RNASE13: variants seen among roughly 807,000 people sequenced by gnomAD.
RNASE13 encodes the protein probable inactive ribonuclease-like protein 13.
For synonymous variants in RNASE13, 67 were observed against 71.6 expected, an observed-to-expected ratio of 0.94 and a Z score of 0.32; for missense variants, 188 against 192.8, an observed-to-expected ratio of 0.98 and a Z score of 0.15.
In RNASE13 at chr14:21,034,153, T is replaced by C. The variant is rs1884454201; in HGVS notation, c.136A>G (p.Lys46Glu). ...CCATTACAATAGCCCCGGAAACCCT[T>C]TGGGTAGTTAACCCTGGGATAGTCA... ...SIDYPRVNYPKGFRGYCNGLM... is the reference protein window; with the variant it reads ...SIDYPRVNYPEGFRGYCNGLM... The change falls in exon 2 of 2, where the codon AAG becomes GAG. Residue 46 changes from lysine (K) to glutamate (E), a missense_variant. By Grantham distance (56) the Lys-to-Glu change is moderately conservative. Coordinates refer to ENST00000382951, the MANE Select transcript of RNASE13 (RefSeq NM_001012264.4). The C allele has an allele frequency of 6.2e-7, 1 of 1,614,042 alleles. No homozygotes were observed. Among genetic ancestry groups the C allele is most frequent in the South Asian group, 1.1e-5 (1 of 91,086 alleles).
At chr14:21,034,416 G>A in intron 1 of RNASE13, 120 bp from the exon 2 acceptor site, 3 of 699,174 alleles carry the variant, frequency 4.3e-6, no homozygotes, top group South Asian at 3.8e-5. Flanking sequence ...CCATAACCAA[G>A]TTCTCATGAC....
rs947558628 is a variant in RNASE13, at chr14:21,033,280, A to C, written c.*538T>G. On this transcript the variant is annotated 3_prime_UTR_variant, in exon 2 of 2. Transcript: ENST00000382951. ...TTTCACAGAGAGAAGCAGGCTGGAA[A>C]CTGGGGGTTGTGGGGAAGTGAGGCT... 2.9e-5 allele frequency: 9 copies of C among 315,186 alleles called. No individual in the cohort carries two copies. Among genetic ancestry groups the C allele is most frequent in the African/African-American group, 1.6e-4 (7 of 44,920 alleles). 19.5% of individuals were successfully genotyped at this position (315,186 alleles called of 1,614,324 possible).
rs983782592 is a variant in RNASE13 at position 21,032,938 on chromosome 14, C to T, written c.*880G>A. ...TCCCCCAATGGTTACATCTTACATA[C>T]TCAGATGTGGTTTTAGAAATTTATG... On this transcript the variant is annotated 3_prime_UTR_variant, in exon 2 of 2. Coordinates refer to ENST00000382951, the MANE Select transcript of RNASE13 (RefSeq NM_001012264.4). 6.6e-6 allele frequency: 3 copies of T among 455,916 alleles called. No homozygotes were observed. The highest frequency in any genetic ancestry group is 1.3e-5 in the Non-Finnish European group (3 of 226,976). 28.2% of individuals were successfully genotyped at this position (455,916 alleles called of 1,614,324 possible).
At position 21,033,414 on chromosome 14, in the gene RNASE13, G is replaced by A. The variant is rs1765257096; in HGVS notation, c.*404C>T. 1 of 284,334 alleles carries A rather than the reference G, an allele frequency of 3.5e-6. No individual in the cohort carries two copies. The highest frequency in any genetic ancestry group is 6.7e-6 in the Non-Finnish European group (1 of 148,296). 17.6% of individuals were successfully genotyped at this position (284,334 alleles called of 1,614,324 possible). A position where few individuals can be genotyped will look rare whatever the true frequency, so the allele number is the denominator to read the frequency against. ...GAACTGGGGGAGGCTGACATGAGAA[G>A]GCTGGTGGGGATGGGGAGGTGAGAC... On this transcript the variant is annotated 3_prime_UTR_variant, in exon 2 of 2. Coordinates refer to ENST00000382951, the MANE Select transcript of RNASE13 (RefSeq NM_001012264.4).
chr14:21,034,469 G>A (rs1884483021), intron 1 of RNASE13, among the ~76,000 whole-genome samples, 173 bp from the exon 2 acceptor site: 1 of 152,166 alleles, frequency 6.6e-6, no homozygotes, highest in East Asian at 1.9e-4. Context: ...CAGACAACCA[G>A]CCACCTTCAG....
rs200617364 is a variant in RNASE13, at chr14:21,034,111, G to C, written c.178C>G (p.Arg60Gly). 5.0e-6 allele frequency: 8 copies of C among 1,613,974 alleles called. No homozygotes were observed. Among genetic ancestry groups the C allele is most frequent in the Admixed American group, 1.7e-5 (1 of 59,994 alleles). Residue 60 changes from arginine (R) to glycine (G), a missense_variant, in exon 2 of 2, where the codon CGA (arginine) becomes GGA (glycine). Transcript: ENST00000382951. ...GYCNGLMSYM[R>G]GKMQNSDCPK... ...CAATCTGAATTTTGCATCTTGCCTC[G>C]CATATAGGACATCAGACCATTACAA...
At position 21,034,028 on chromosome 14, in the gene RNASE13, C is replaced by T. The variant is rs1443712982; in HGVS notation, c.261G>A (p.Lys87=). ...AATTCTCACAGAAGCTGTCACTATA[C>T]TTGCAGAACTTCTGGATGGCCTTCC... ...APWKAIQKFC[K]YSDSFCENYN... is the part of the protein sequence containing the mutation. The change falls in exon 2 of 2, where the codon AAG becomes AAA. Residue 87 remains lysine, a synonymous_variant. Transcript: ENST00000382951. The T allele has an allele frequency of 3.7e-6, 6 of 1,614,164 alleles. No homozygotes were observed. Among genetic ancestry groups the T allele is most frequent in the Admixed American group, 3.3e-5 (2 of 60,016 alleles).
chr14:21,033,490 T>G lies in RNASE13; in HGVS notation c.*328A>C. On this transcript the variant is annotated 3_prime_UTR_variant, in exon 2 of 2. Transcript: ENST00000382951. Reference sequence around the variant, plus strand: ...TGTGAGCTGAGGCCCTGGGCCTCCATCCAGGACTTAGGATCTGGCCCAGTG... The same window carrying G: ...TGTGAGCTGAGGCCCTGGGCCTCCAGCCAGGACTTAGGATCTGGCCCAGTG... 1 of 376,668 alleles carries G rather than the reference T, an allele frequency of 2.7e-6. No individual in the cohort carries two copies. The allele number at this position is 376,668 out of a possible 1,614,324, so 23.3% of individuals were successfully genotyped here. A position where few individuals can be genotyped will look rare whatever the true frequency, so the allele number is the denominator to read the frequency against.
rs778914543 is a variant in RNASE13, at chr14:21,034,078, T to C, written c.211A>G (p.Ile71Val). The change falls in exon 2 of 2, where the codon ATC becomes GTC. Residue 71 changes from isoleucine to valine, a missense_variant. Transcript: ENST00000382951. ...CAAGGGGCATGTATCACATAATGGA[T>C]CTTTGGGCAATCTGAATTTTGCATC... ...GKMQNSDCPK[I>V]HYVIHAPWKA... 2 of 1,614,022 alleles carry C rather than the reference T, an allele frequency of 1.2e-6. No individual in the cohort carries two copies. The highest frequency in any genetic ancestry group is 8.5e-7 in the Non-Finnish European group (1 of 1,180,026).
Position 21,032,906 on chromosome 14 carries a change from C to T in RNASE13, c.*912G>A. On this transcript the variant is annotated 3_prime_UTR_variant, in exon 2 of 2. Coordinates refer to ENST00000382951, the MANE Select transcript of RNASE13 (RefSeq NM_001012264.4). ...ACAGAGGGGGCTCGTGTGCCCTTCACCCAGTTTCCCCCAATGGTTACATCT... is the reference window on the plus strand; with the variant it reads ...ACAGAGGGGGCTCGTGTGCCCTTCATCCAGTTTCCCCCAATGGTTACATCT... The T allele has an allele frequency of 6.6e-6, 3 of 455,278 alleles. No individual in the cohort carries two copies. Among genetic ancestry groups the T allele is most frequent in the African/African-American group, 2.0e-5 (1 of 50,136 alleles). 28.2% of individuals were successfully genotyped at this position (455,278 alleles called of 1,614,324 possible). A position where few individuals can be genotyped will look rare whatever the true frequency, so the allele number is the denominator to read the frequency against.
rs780348680 is a variant in RNASE13 at position 21,034,264 on chromosome 14, G to T, written c.25C>A (p.Leu9Ile). The T allele has an allele frequency of 1.2e-6, 2 of 1,613,254 alleles. No homozygotes were observed. The highest frequency in any genetic ancestry group is 4.5e-5 in the East Asian group (2 of 44,870). Reference sequence around the variant, plus strand: ...GGCCCCAGAACAAGCTGGAGGAAAAGGAGCCGGGTCACAGCTGGTGCCATT... The same window carrying T: ...GGCCCCAGAACAAGCTGGAGGAAAATGAGCCGGGTCACAGCTGGTGCCATT... MAPAVTRL[L>I]FLQLVLGPTL... Residue 9 changes from leucine to isoleucine, a missense_variant, in exon 2 of 2, where the codon CTT becomes ATT. Leu to Ile is a conservative substitution (Grantham distance 5, BLOSUM62 2). Transcript: ENST00000382951.
chr14:21,034,180 T>C lies in RNASE13; in HGVS notation c.109A>G (p.Ile37Val), dbSNP rs747527395. 1 of 1,613,980 alleles carries C rather than the reference T, an allele frequency of 6.2e-7. No individual in the cohort carries two copies. The highest frequency in any genetic ancestry group is 1.1e-5 in the South Asian group (1 of 91,068). Residue 37 changes from isoleucine (I) to valine (V), a missense_variant, in exon 2 of 2, where the codon ATT becomes GTT. Physicochemically the swap from Ile to Val is conservative, Grantham distance 29. Coordinates refer to ENST00000382951, the MANE Select transcript of RNASE13 (RefSeq NM_001012264.4). Reference sequence around the variant, plus strand: ...GGGTAGTTAACCCTGGGATAGTCAATGCTTAAGGTATAGAAGTTCCTGCTG... The same window carrying C: ...GGGTAGTTAACCCTGGGATAGTCAACGCTTAAGGTATAGAAGTTCCTGCTG... ...IGSRNFYTLS[I>V]DYPRVNYPKG...
In RNASE13 at chr14:21,033,842, G is replaced by C; in HGVS notation, c.447C>G (p.Ile149Met). The part of the protein sequence containing the change: ...SRKYEADPIG[I>M]AGLYSGI ...ATTAAATTCCCGAATAGAGACCAGCGATACCTATTGGATCAGCTTCATACT... is the reference window on the plus strand; with the variant it reads ...ATTAAATTCCCGAATAGAGACCAGCCATACCTATTGGATCAGCTTCATACT... The change falls in exon 2 of 2, where the codon ATC becomes ATG. Residue 149 changes from isoleucine (I) to methionine (M), a missense_variant. Physicochemically the swap from Ile to Met is conservative, Grantham distance 10. Transcript: ENST00000382951. The C allele has an allele frequency of 6.2e-7, 1 of 1,612,590 alleles. No homozygotes were observed. Among genetic ancestry groups the C allele is most frequent in the Non-Finnish European group, 8.5e-7 (1 of 1,178,634 alleles).
Position 21,033,036 on chromosome 14 carries a change from G to A in RNASE13, c.*782C>T, listed in dbSNP as rs3748348. On this transcript the variant is annotated 3_prime_UTR_variant, in exon 2 of 2. Transcript: ENST00000382951. ...ACTCTGGAGTCTGGGGGATTTGGGAGGAGCTTCTGGAAGAGAAGGGAAGCA... is the reference window on the plus strand; with the variant it reads ...ACTCTGGAGTCTGGGGGATTTGGGAAGAGCTTCTGGAAGAGAAGGGAAGCA... 0.36 allele frequency: 164,231 copies of A among 450,934 alleles called. 32,298 individuals carry two copies. Among genetic ancestry groups the A allele is most frequent in the African/African-American group, 0.56 (27,565 of 49,436 alleles). The allele number at this position is 450,934 out of a possible 1,614,324, so 27.9% of individuals were successfully genotyped here.
rs1369064122 is a variant in RNASE13, at chr14:21,033,451, G to A, written c.*367C>T. 1.3e-5 allele frequency: 4 copies of A among 311,550 alleles called. No individual in the cohort carries two copies. The East Asian group carries it at 3.2e-4, about 25-fold the overall frequency. 19.3% of individuals were successfully genotyped at this position (311,550 alleles called of 1,614,324 possible). A position where few individuals can be genotyped will look rare whatever the true frequency, so the allele number is the denominator to read the frequency against. ...TGGGGAGGTGAGACTCGGAGCTGGTGCCTGTTGCCATGGTGTGAGCTGAGG... is the reference window on the plus strand; with the variant it reads ...TGGGGAGGTGAGACTCGGAGCTGGTACCTGTTGCCATGGTGTGAGCTGAGG... On this transcript the variant is annotated 3_prime_UTR_variant, in exon 2 of 2. Transcript: ENST00000382951.
At position 21,033,641 on chromosome 14, in the gene RNASE13, G is replaced by C; in HGVS notation, c.*177C>G. ...TAAACAAGCTGGAAAGAACCTAGAA[G>C]ATAGCACCACTTTGCATGGTGATCA... On this transcript the variant is annotated 3_prime_UTR_variant, in exon 2 of 2. Transcript: ENST00000382951. 1.6e-6 allele frequency: 1 copy of C among 617,694 alleles called. No homozygotes were observed. The highest frequency in any genetic ancestry group is 1.9e-5 in the South Asian group (1 of 52,586). 38.3% of individuals were successfully genotyped at this position (617,694 alleles called of 1,614,324 possible). A position where few individuals can be genotyped will look rare whatever the true frequency, so the allele number is the denominator to read the frequency against.
rs1884369617 is a variant in RNASE13 at position 21,033,309 on chromosome 14, A to G, written c.*509T>C. ...GGGGTTGTGGGGAAGTGAGGCTAAC[A>G]TGAGTCTGAGGGCCTCAGGGAGGTT... is the stretch of plus-strand genomic sequence containing the variant. On this transcript the variant is annotated 3_prime_UTR_variant, in exon 2 of 2. Coordinates refer to ENST00000382951, the MANE Select transcript of RNASE13 (RefSeq NM_001012264.4). 1 of 311,308 alleles carries G rather than the reference A, an allele frequency of 3.2e-6. No individual in the cohort carries two copies. Among genetic ancestry groups the G allele is most frequent in the Non-Finnish European group, 6.2e-6 (1 of 162,150 alleles). 19.3% of individuals were successfully genotyped at this position (311,308 alleles called of 1,614,324 possible).
At position 21,033,959 on chromosome 14, in the gene RNASE13, C is replaced by T. The variant is rs770928534; in HGVS notation, c.330G>A (p.Thr110=). ...GCTGTTGGTGGCTCAGGGAGCAGAC[C>T]GTGATGGGGAGGGAATCCTGGGTGA... ...CTLTQDSLPI[T]VCSLSHQQPP... is the part of the protein sequence containing the mutation. Residue 110 remains threonine (T), a synonymous_variant, in exon 2 of 2, where the codon ACG becomes ACA. Coordinates refer to ENST00000382951, the MANE Select transcript of RNASE13 (RefSeq NM_001012264.4). 92 of 1,613,730 alleles carry T rather than the reference C, an allele frequency of 5.7e-5. 1 individual carries two copies. The Admixed American group carries it at 1.3e-3, about 22-fold the overall frequency.
rs1467605180 is a variant in RNASE13 at position 21,032,966 on chromosome 14, C to T, written c.*852G>A. The T allele has an allele frequency of 2.2e-6, 1 of 455,992 alleles. No homozygotes were observed. Among genetic ancestry groups the T allele is most frequent in the South Asian group, 1.5e-5 (1 of 64,558 alleles). The allele number at this position is 455,992 out of a possible 1,614,324, so 28.2% of individuals were successfully genotyped here. On this transcript the variant is annotated 3_prime_UTR_variant, in exon 2 of 2. Transcript: ENST00000382951. The stretch of plus-strand genomic sequence containing the variant: ...AGATGTGGTTTTAGAAATTTATGTT[C>T]GATTAGAGCCGGGCCTGCCTCATTC...
Sources: gnomAD v4.1 joint callset for allele counts (sites outside exome capture counted in the v4.1 genomes callset) on GRCh38, gnomAD v4.1.1 for gene constraint, MANE v1.5 for transcripts, NCBI Gene and HGNC (gene_info 2026-07-23, HGNC 2026-07-21) for gene names.